Variants in FTO observed in about 807,000 individuals in gnomAD.
FTO encodes alpha-ketoglutarate-dependent dioxygenase FTO.
A neutral mutation model predicts 63.9 loss-of-function variants in FTO; 47 were observed. The ratio of observed to expected loss-of-function variants is 0.74; its 90% CI spans 0.58 to 0.94. The LOEUF is 0.94. FTO is among the 40% of genes least tolerant of loss of function. FTO has a pLI of 0.00. For missense variants in FTO, 562 were observed against 618.1 expected (o/e 0.91, Z 0.96); for synonymous variants, 207 against 224.4 (o/e 0.92, Z 0.69).
chr16:54,097,945 G>A (rs1384039489), intron 8 of FTO, among the ~76,000 whole-genome samples: 2 of 152,160 alleles, frequency 1.3e-5, no homozygotes, highest in Non-Finnish European at 2.9e-5. Context: ...TATTTTAGGG[G>A]AGGAGTGTTC....
intron 8 of FTO, among the ~76,000 whole-genome samples, chr16:54,085,414 C>T (rs892433698): frequency 9.2e-5 from 14 of 152,218 alleles, no homozygotes; most frequent in Admixed American, 4.6e-4. Context: ...TTTACCTGTA[C>T]GTTTTTAGAT....
At chr16:53,975,758 G>T (rs1044741089) in intron 8 of FTO, among the ~76,000 whole-genome samples, 37 of 151,840 alleles carry the variant, frequency 2.4e-4, no homozygotes, top group African/African-American at 8.9e-4. Context: ...ATTTTTTGTA[G>T]ATCCAAACAG....
At chr16:53,865,769 C>T (rs771804507) in intron 4 of FTO, among the ~76,000 whole-genome samples, 3 of 152,146 alleles carry the variant, frequency 2.0e-5, no homozygotes, top group African/African-American at 4.8e-5. Context: ...CTTCCTCTTT[C>T]CTATGAAACT....
chr16:53,933,207 A>G (rs1357095612), intron 7 of FTO, among the ~76,000 whole-genome samples: 2 of 152,186 alleles, frequency 1.3e-5, no homozygotes, highest in African/African-American at 2.4e-5. Context: ...GTAAACAAAT[A>G]TATTGGCGTC....
chr16:53,874,731 G>A (rs2080598210), intron 5 of FTO, among the ~76,000 whole-genome samples: 1 of 152,144 alleles, frequency 6.6e-6, no homozygotes, highest in African/African-American at 2.4e-5. Context: ...AGCTTTACCA[G>A]TGGAACGATC....
At position 54,120,445 on chromosome 16, in the gene FTO, C is replaced by A. The variant is rs1599392672; in HGVS notation, c.*8530C>A. The stretch of plus-strand genomic sequence containing the variant: ...TATTCTTAATCAGCATTTCTAATTT[C>A]TGCCCTTTGCTCATTTTAATACAGA... On this transcript the variant is annotated 3_prime_UTR_variant, in exon 9 of 9. Transcript: ENST00000471389. 1 of 152,238 alleles carries A rather than the reference C, an allele frequency of 6.6e-6. No individual in the cohort carries two copies. Among genetic ancestry groups the A allele is most frequent in the African/African-American group, 2.4e-5 (1 of 41,448 alleles). 9.4% of individuals were successfully genotyped at this position (152,238 alleles called of 1,614,324 possible).
chr16:53,836,717 G>A lies in FTO; in HGVS notation c.752-7438G>A, dbSNP rs547741321. Among the ~76,000 whole-genome samples, 3 of 152,318 alleles carry A rather than the reference G, an allele frequency of 2.0e-5. No individual in the cohort carries two copies. The South Asian group carries it at 6.2e-4, about 32-fold the overall frequency. ...AACTGGCGTCTCACTGGCTTCAAGTGGACCTTGTTCCAACAGTAATGATGT... is the reference window on the plus strand; with the variant it reads ...AACTGGCGTCTCACTGGCTTCAAGTAGACCTTGTTCCAACAGTAATGATGT... On this transcript the variant is annotated intron_variant, in intron 3 of 8. Coordinates refer to ENST00000471389, the MANE Select transcript of FTO (RefSeq NM_001080432.3).
chr16:54,012,294 G>A (rs1399884513), intron 8 of FTO, among the ~76,000 whole-genome samples: 2 of 152,216 alleles, frequency 1.3e-5, no homozygotes, highest in Admixed American at 1.3e-4. Context: ...GCCTAATCCA[G>A]AGCAAAGCCC....
chr16:53,803,386 A>G (rs1024340349), intron 1 of FTO, among the ~76,000 whole-genome samples: 2 of 152,172 alleles, frequency 1.3e-5, no homozygotes, highest in African/African-American at 4.8e-5. Flanking sequence ...GTTGGCTCCC[A>G]TTATTGGAAA....
At chr16:53,852,279 A>G (rs1468195556) in intron 4 of FTO, among the ~76,000 whole-genome samples, 3 of 152,072 alleles carry the variant, frequency 2.0e-5, no homozygotes, top group African/African-American at 4.8e-5. Context: ...TTGTCTCAAA[A>G]AAAAAGAAAA....
At chr16:53,840,049 C>T (rs748649928) in intron 3 of FTO, among the ~76,000 whole-genome samples, 1 of 151,988 alleles carries the variant, frequency 6.6e-6, no homozygotes, top group Non-Finnish European at 1.5e-5. Context: ...GTGATCCACC[C>T]ACCTCAGCCT....
At chr16:53,871,164 C>T (rs1345310588) in intron 4 of FTO, among the ~76,000 whole-genome samples, 2 of 151,974 alleles carry the variant, frequency 1.3e-5, no homozygotes, top group South Asian at 2.1e-4. Context: ...GCTTAGAATT[C>T]GTTGAGCTTA....
At chr16:53,958,355 C>T (rs543519040) in intron 8 of FTO, among the ~76,000 whole-genome samples, 2 of 152,294 alleles carry the variant, frequency 1.3e-5, no homozygotes, top group East Asian at 1.9e-4. Context: ...TGTGCCTCTT[C>T]CTGGGTTGCC....
Position 54,021,785 on chromosome 16 carries a change from G to T in FTO, c.1364+87676G>T, listed in dbSNP as rs537126623. Among the ~76,000 whole-genome samples the T allele has an allele frequency of 2.5e-3, 378 of 152,198 alleles. 4 individuals carry two copies. The highest frequency in any genetic ancestry group is 8.8e-3 in the African/African-American group (367 of 41,532). On this transcript the variant is annotated intron_variant, in intron 8 of 8. Coordinates refer to ENST00000471389, the MANE Select transcript of FTO (RefSeq NM_001080432.3). ...TTACAGGTGTGAGCCACCGCGCCTGGCTTGGGTGGTGTGATTCTTATGTAG... is the reference window on the plus strand; with the variant it reads ...TTACAGGTGTGAGCCACCGCGCCTGTCTTGGGTGGTGTGATTCTTATGTAG...
chr16:53,883,739 G>GC (rs1245819197), intron 6 of FTO, among the ~76,000 whole-genome samples: 5 of 151,860 alleles, frequency 3.3e-5, no homozygotes, highest in African/African-American at 4.8e-5. Context: ...AGAAACCTCG[G>GC]CCCCCTGGGG....
At chr16:53,908,339 A>T (rs2081588999) in intron 7 of FTO, among the ~76,000 whole-genome samples, 1 of 152,226 alleles carries the variant, frequency 6.6e-6, no homozygotes, top group South Asian at 2.1e-4. Flanking sequence ...GAGTGAATTG[A>T]CAGGAATTAT....
intron 8 of FTO, among the ~76,000 whole-genome samples, chr16:54,059,120 A>G (rs1418632185): frequency 1.3e-5 from 2 of 152,202 alleles, no homozygotes; most frequent in Non-Finnish European, 2.9e-5. Flanking sequence ...CATTTGCTCA[A>G]TTCAAGTGTA....
rs1203822351 is a variant in FTO, at chr16:54,120,249, C to A, written c.*8334C>A. ...GACATAGCTTGGGGAGCTGAAGGTA[C>A]CTTGGAAGGGCCAGATGAGGAAGCT... is the stretch of plus-strand genomic sequence containing the variant. On this transcript the variant is annotated 3_prime_UTR_variant, in exon 9 of 9. Coordinates refer to ENST00000471389, the MANE Select transcript of FTO (RefSeq NM_001080432.3). 2 of 152,238 alleles carry A rather than the reference C, an allele frequency of 1.3e-5. No homozygotes were observed. The highest frequency in any genetic ancestry group is 2.9e-5 in the Non-Finnish European group (2 of 68,096). 9.4% of individuals were successfully genotyped at this position (152,238 alleles called of 1,614,324 possible). A position where few individuals can be genotyped will look rare whatever the true frequency, so the allele number is the denominator to read the frequency against.
At chr16:53,971,257 C>G (rs1354081741) in intron 8 of FTO, among the ~76,000 whole-genome samples, 1 of 152,162 alleles carries the variant, frequency 6.6e-6, no homozygotes, top group Non-Finnish European at 1.5e-5. Context: ...ATACCGCTTT[C>G]TCCTTTTTTT....
Sources: allele counts gnomAD v4.1 joint callset (sites outside exome capture counted in the v4.1 genomes callset), GRCh38; gene constraint gnomAD v4.1.1; transcripts MANE v1.5; gene names NCBI Gene and HGNC (gene_info 2026-07-23, HGNC 2026-07-21).